The following ROR2 variants were observed in gnomAD, a reference collection of about 807,000 sequenced individuals.
ROR2 encodes the protein tyrosine-protein kinase transmembrane receptor ROR2.
ROR2 carries 33 observed loss-of-function variants against 74.9 expected under a neutral mutation model. The observed-to-expected ratio is 0.44, with a 90% CI of 0.33 to 0.59. ROR2 has a LOEUF of 0.59. Among genes scored for constraint, ROR2 ranks in the 20% least tolerant of loss-of-function variants. The pLI is 0.02. For synonymous variants in ROR2, 586 were observed against 558.7 expected (o/e 1.05, Z -0.69); for missense variants, 1,216 against 1,313.8 (o/e 0.93, Z 1.15).
chr9:91,928,431 C>A (rs1831465445), intron 1 of ROR2, among the ~76,000 whole-genome samples: 1 of 152,248 alleles, frequency 6.6e-6, no homozygotes, highest in Admixed American at 6.5e-5. Context: ...ATGCCACCCA[C>A]CACGGTGTGG....
intron 1 of ROR2, among the ~76,000 whole-genome samples, chr9:91,827,232 G>T (rs1828324045): frequency 6.6e-6 from 1 of 152,070 alleles, no homozygotes; most frequent in Non-Finnish European, 1.5e-5. Context: ...GCTTAGCTTA[G>T]TTGACTAAAT....
intron 1 of ROR2, among the ~76,000 whole-genome samples, chr9:91,850,163 T>G (rs530484499): frequency 2.6e-5 from 4 of 152,324 alleles, no homozygotes; most frequent in South Asian, 2.1e-4. Context: ...CCAAAGTGGA[T>G]GTGGTAATCT....
intron 1 of ROR2, among the ~76,000 whole-genome samples, chr9:91,799,965 G>C (rs1827318823): frequency 6.6e-6 from 1 of 152,222 alleles, no homozygotes; most frequent in Admixed American, 6.5e-5. Context: ...GACACATGGG[G>C]CAGCACAAGC....
chr9:91,749,556 T>C (rs986996640), intron 4 of ROR2, among the ~76,000 whole-genome samples: 2 of 152,204 alleles, frequency 1.3e-5, no homozygotes, highest in Non-Finnish European at 2.9e-5. Context: ...TCCATAGCAG[T>C]AGAGGAGGGT....
At chr9:91,835,514 T>C (rs375951593) in intron 1 of ROR2, among the ~76,000 whole-genome samples, 79 of 152,178 alleles carry the variant, frequency 5.2e-4, no homozygotes, top group African/African-American at 1.9e-3. Context: ...TAAATGTAGA[T>C]TGGAACTCTC....
chr9:91,846,551 T>C (rs1828936932), intron 1 of ROR2, among the ~76,000 whole-genome samples: 1 of 152,166 alleles, frequency 6.6e-6, no homozygotes, highest in African/African-American at 2.4e-5. Flanking sequence ...TCAGGGCATC[T>C]GGAGCCTACA....
In ROR2 at chr9:91,754,698, G is replaced by A. The variant is rs373792280; in HGVS notation, c.494+1373C>T. On this transcript the variant is annotated intron_variant, in intron 4 of 8. Coordinates refer to ENST00000375708, the MANE Select transcript of ROR2 (RefSeq NM_004560.4). ...AATAAAAGACATAAATATAAAATAA[G>A]AGAGAACAATAGTTCAACTTTTGAA... Among the ~76,000 whole-genome samples, 212 of 152,202 alleles carry A rather than the reference G, an allele frequency of 1.4e-3. 1 individual carries two copies. Among genetic ancestry groups the A allele is most frequent in the Admixed American group, 3.9e-3 (59 of 15,280 alleles).
intron 1 of ROR2, among the ~76,000 whole-genome samples, chr9:91,909,879 T>TTTTTTTTTTTTTTTTTTTG (rs1587839943): frequency 6.9e-6 from 1 of 144,806 alleles, no homozygotes; most frequent in Non-Finnish European, 1.5e-5. Flanking sequence ...TTTAGTTTTT[T>TTTTTTTTTTTTTTTTTTTG]TCAATCAGAG....
intron 1 of ROR2, among the ~76,000 whole-genome samples, chr9:91,831,532 T>C (rs1303992230): frequency 6.6e-6 from 1 of 152,074 alleles, no homozygotes; most frequent in Non-Finnish European, 1.5e-5. Context: ...TCCCAGCATT[T>C]TGGGAGGCCG....
chr9:91,914,840 A>C (rs1831089049), intron 1 of ROR2, among the ~76,000 whole-genome samples: 1 of 152,146 alleles, frequency 6.6e-6, no homozygotes. Context: ...TCCACAGGGC[A>C]AACTTACACA....
chr9:91,878,735 C>T (rs932056731), intron 1 of ROR2, among the ~76,000 whole-genome samples: 2 of 152,216 alleles, frequency 1.3e-5, no homozygotes, highest in African/African-American at 4.8e-5. Flanking sequence ...AACTACACTT[C>T]CAGAATCCCC....
chr9:91,916,150 C>G (rs539139233), intron 1 of ROR2, among the ~76,000 whole-genome samples: 1 of 152,338 alleles, frequency 6.6e-6, no homozygotes, highest in African/African-American at 2.4e-5. Context: ...AAGGGTGATT[C>G]TGCTCCTAGC....
chr9:91,788,797 G>C (rs1157599949), intron 1 of ROR2, among the ~76,000 whole-genome samples: 2 of 151,394 alleles, frequency 1.3e-5, no homozygotes. Context: ...CTGGGAGGCG[G>C]AGGTTGCAGT....
chr9:91,753,523 G>C (rs1018409318), intron 4 of ROR2, among the ~76,000 whole-genome samples: 27 of 152,234 alleles, frequency 1.8e-4, no homozygotes, highest in African/African-American at 6.3e-4. Context: ...GGCAGTATCA[G>C]TTTTAAAAAG....
intron 1 of ROR2, among the ~76,000 whole-genome samples, chr9:91,888,371 T>C (rs1292968460): frequency 6.6e-6 from 1 of 152,130 alleles, no homozygotes; most frequent in African/African-American, 2.4e-5. Context: ...GGGAAGCAAA[T>C]AGTGCCAGAT....
At position 91,911,508 on chromosome 9, in the gene ROR2, G is replaced by A. The variant is rs559718532; in HGVS notation, c.97+38359C>T. On this transcript the variant is annotated intron_variant, in intron 1 of 8. Coordinates refer to ENST00000375708, the MANE Select transcript of ROR2 (RefSeq NM_004560.4). ...GGTCTGCTGTTGACCGAAACATTAC[G>A]TGGCGCATTACCATACTTTTAAAAT... is the stretch of plus-strand genomic sequence containing the variant. Among the ~76,000 whole-genome samples, 166 of 151,518 alleles carry A rather than the reference G, an allele frequency of 1.1e-3. 1 individual carries two copies. The highest frequency in any genetic ancestry group is 3.7e-3 in the African/African-American group (152 of 41,046).
chr9:91,941,514 C>T (rs148858650), intron 1 of ROR2, among the ~76,000 whole-genome samples: 1 of 152,196 alleles, frequency 6.6e-6, no homozygotes, highest in Non-Finnish European at 1.5e-5. Context: ...CATCCTCTTA[C>T]ACCACCTCTG....
chr9:91,825,225 G>A (rs138564427), intron 1 of ROR2, among the ~76,000 whole-genome samples: 78 of 152,312 alleles, frequency 5.1e-4, no homozygotes, highest in African/African-American at 1.9e-3. Flanking sequence ...CTGAGGACAC[G>A]CAATAAAGTT....
intron 1 of ROR2, among the ~76,000 whole-genome samples, chr9:91,915,513 T>A (rs1264002843): frequency 6.6e-6 from 1 of 151,990 alleles, no homozygotes; most frequent in East Asian, 1.9e-4. Context: ...AAGCAGTGAG[T>A]GTTACAGCTT....
Sources: allele counts gnomAD v4.1 joint callset (sites outside exome capture counted in the v4.1 genomes callset), GRCh38; gene constraint gnomAD v4.1.1; transcripts MANE v1.5; gene names NCBI Gene and HGNC (gene_info 2026-07-23, HGNC 2026-07-21).